CRACDL: variants seen among roughly 807,000 people sequenced by gnomAD.
The protein encoded by CRACDL is CRACD-like protein.
A neutral mutation model predicts 70.6 loss-of-function variants in CRACDL; 26 were observed. The ratio of observed to expected loss-of-function variants is 0.37; its 90% confidence interval spans 0.27 to 0.51. The LOEUF (loss-of-function observed/expected upper bound fraction) is 0.51. CRACDL is among the 20% of genes least tolerant of loss of function. CRACDL has a pLI of 0.94. For synonymous variants in CRACDL, 618 were observed against 615.2 expected (o/e 1.00, Z -0.07); for missense variants, 1,283 against 1,376.9 (o/e 0.93, Z 1.08).
intron 1 of CRACDL, among the ~76,000 whole-genome samples, chr2:98,914,019 T>G (rs1236467397): frequency 6.6e-6 from 1 of 152,194 alleles, no homozygotes; most frequent in African/African-American, 2.4e-5. Flanking sequence ...GAATGGGCAT[T>G]GTATGTGCCC....
intron 7 of CRACDL, among the ~76,000 whole-genome samples, chr2:98,807,932 C>T (rs970882800): frequency 6.6e-6 from 1 of 152,182 alleles, no homozygotes; most frequent in African/African-American, 2.4e-5. Flanking sequence ...ATGCTATTTG[C>T]TAGTGACAGC....
intron 1 of CRACDL, among the ~76,000 whole-genome samples, chr2:98,900,753 T>G (rs1471161701): frequency 6.6e-6 from 1 of 152,106 alleles, no homozygotes; most frequent in East Asian, 1.9e-4. Flanking sequence ...AGCACCCTCC[T>G]TCCATCCTGA....
intron 1 of CRACDL, among the ~76,000 whole-genome samples, chr2:98,859,444 A>G (rs1055167045): frequency 6.6e-6 from 1 of 152,216 alleles, no homozygotes; most frequent in African/African-American, 2.4e-5. Context: ...GCAACATATT[A>G]AAGAGATTAC....
chr2:98,892,424 C>T (rs1054795995), intron 1 of CRACDL, among the ~76,000 whole-genome samples: 2 of 151,956 alleles, frequency 1.3e-5, no homozygotes, highest in Admixed American at 6.6e-5. Context: ...GGCGTAGTGG[C>T]TCACACCTGT....
At chr2:98,878,571 A>G (rs1707551066) in intron 1 of CRACDL, among the ~76,000 whole-genome samples, 1 of 152,248 alleles carries the variant, frequency 6.6e-6, no homozygotes, top group African/African-American at 2.4e-5. Context: ...TAAGTGATCC[A>G]TGACTGTATT....
chr2:98,856,656 A>G (rs1706711593), intron 1 of CRACDL, among the ~76,000 whole-genome samples: 1 of 152,214 alleles, frequency 6.6e-6, no homozygotes, highest in African/African-American at 2.4e-5. Flanking sequence ...TGGGACTATA[A>G]TGTATAGCAA....
chr2:98,929,703 G>A (rs778809673), intron 1 of CRACDL, among the ~76,000 whole-genome samples: 10 of 152,138 alleles, frequency 6.6e-5, no homozygotes, highest in Admixed American at 2.0e-4. Flanking sequence ...TCTCAGGGAC[G>A]AGTTTAGTGT....
intron 7 of CRACDL, among the ~76,000 whole-genome samples, chr2:98,799,638 T>C (rs529341182): frequency 4.6e-5 from 7 of 152,320 alleles, no homozygotes; most frequent in East Asian, 1.9e-4. Context: ...CGGAGCCTCA[T>C]TGTCCCTTGA....
At chr2:98,923,035 C>T (rs754901474) in intron 1 of CRACDL, among the ~76,000 whole-genome samples, 12 of 152,022 alleles carry the variant, frequency 7.9e-5, no homozygotes, top group Non-Finnish European at 1.8e-4. Flanking sequence ...TTTGGGAGGC[C>T]GAGGTGGGCA....
chr2:98,868,704 G>A (rs1044260746), intron 1 of CRACDL, among the ~76,000 whole-genome samples: 2 of 152,134 alleles, frequency 1.3e-5, no homozygotes, highest in Non-Finnish European at 2.9e-5. Context: ...GACCTCTGCT[G>A]CCTTCCCTTC....
chr2:98,796,882 C>T (rs993282244), intron 8 of CRACDL, among the ~76,000 whole-genome samples: 2 of 152,196 alleles, frequency 1.3e-5, no homozygotes, highest in Non-Finnish European at 2.9e-5. Context: ...AGCCCCGCAG[C>T]CCCAGGTGAG....
chr2:98,890,823 G>A (rs11887536), intron 1 of CRACDL, among the ~76,000 whole-genome samples: 70,552 of 151,880 alleles, frequency 0.46, 17,065 homozygotes, highest in African/African-American at 0.6. Context: ...TTGGGAGGCC[G>A]AGGTGGGTGG....
intron 1 of CRACDL, among the ~76,000 whole-genome samples, chr2:98,931,071 T>A (rs1709060809): frequency 6.6e-6 from 1 of 152,104 alleles, no homozygotes; most frequent in African/African-American, 2.4e-5. Flanking sequence ...ACGCCTGTAA[T>A]CCCAGCACTT....
chr2:98,930,755 T>C (rs1375447312), intron 1 of CRACDL, among the ~76,000 whole-genome samples: 1 of 152,160 alleles, frequency 6.6e-6, no homozygotes. Context: ...TTAAATGCCA[T>C]CAGATCTCAG....
chr2:98,831,100 A>G (rs1705522975), intron 5 of CRACDL, among the ~76,000 whole-genome samples: 1 of 152,334 alleles, frequency 6.6e-6, no homozygotes, highest in African/African-American at 2.4e-5. Flanking sequence ...AGGCCACCCC[A>G]TCCTCCTCAT....
intron 1 of CRACDL, 93 bp downstream of exon 1, chr2:98,935,845 G>T (rs1455057932): frequency 6.6e-6 from 1 of 151,832 alleles, no homozygotes; most frequent in African/African-American, 2.4e-5. Context: ...CCCTAGCCCC[G>T]GCCCGCCCCA....
At chr2:98,874,491 G>A (rs762893324) in intron 1 of CRACDL, among the ~76,000 whole-genome samples, 10 of 152,192 alleles carry the variant, frequency 6.6e-5, no homozygotes, top group Non-Finnish European at 1.2e-4. Flanking sequence ...CTTGCGCCTC[G>A]TGGGGCCAGT....
At chr2:98,868,751 G>T (rs1232506426) in intron 1 of CRACDL, among the ~76,000 whole-genome samples, 1 of 152,146 alleles carries the variant, frequency 6.6e-6, no homozygotes, top group Non-Finnish European at 1.5e-5. Context: ...GAGATCCCAA[G>T]TGTAAACACG....
At chr2:98,863,478 G>C (rs140988724) in intron 1 of CRACDL, among the ~76,000 whole-genome samples, 2,728 of 152,128 alleles carry the variant, frequency 0.018, 87 homozygotes, top group African/African-American at 0.062. Flanking sequence ...CTCAATAAAA[G>C]TAAATACACG....
Sources: gnomAD v4.1 joint callset for allele counts (sites outside exome capture counted in the v4.1 genomes callset) on GRCh38, gnomAD v4.1.1 for gene constraint, MANE v1.5 for transcripts, NCBI Gene and HGNC (gene_info 2026-07-23, HGNC 2026-07-21) for gene names.